Variants in PTPRQ observed in about 807,000 individuals in gnomAD.
PTPRQ encodes the protein phosphatidylinositol phosphatase PTPRQ.
A neutral mutation model predicts 246.0 loss-of-function variants in PTPRQ; 199 were observed. That is an observed-to-expected ratio of 0.81 (90% CI 0.72 to 0.91). The LOEUF (loss-of-function observed/expected upper bound fraction) is 0.91. Among genes scored for constraint, PTPRQ ranks in the 40% least tolerant of loss-of-function variants. The probability of loss-of-function intolerance (pLI) is 0.00; values close to 1 mark genes in which losing one functional copy is unlikely to be tolerated. For missense variants in PTPRQ, 2,624 were observed against 2,528.4 expected (o/e 1.04, Z -0.81); for synonymous variants, 869 against 853.2 (o/e 1.02, Z -0.32).
At chr12:80,466,482 T>C (rs555251074) in intron 6 of PTPRQ, among the ~76,000 whole-genome samples, 1 of 152,304 alleles carries the variant, frequency 6.6e-6, no homozygotes, top group East Asian at 1.9e-4. Context: ...CCAATGACTT[T>C]CTTCACAGAA....
intron 38 of PTPRQ, among the ~76,000 whole-genome samples, chr12:80,654,121 C>G (rs907803723): frequency 6.8e-5 from 9 of 132,684 alleles, no homozygotes; most frequent in African/African-American, 2.5e-4. Flanking sequence ...TCTTTTTGGA[C>G]TTTTGATCTT....
chr12:80,546,183 G>C (rs1254223433), intron 23 of PTPRQ, among the ~76,000 whole-genome samples: 1 of 152,056 alleles, frequency 6.6e-6, no homozygotes, highest in Non-Finnish European at 1.5e-5. Context: ...GCTGGGTGTG[G>C]TGGCACATGC....
chr12:80,481,498 C>G (rs941205977), intron 8 of PTPRQ, among the ~76,000 whole-genome samples: 24 of 152,098 alleles, frequency 1.6e-4, no homozygotes, highest in Non-Finnish European at 3.2e-4. Flanking sequence ...CACTCCTATT[C>G]AACATAGTGT....
intron 17 of PTPRQ, among the ~76,000 whole-genome samples, chr12:80,517,454 A>G (rs1000704993): frequency 6.6e-6 from 1 of 152,164 alleles, no homozygotes; most frequent in Non-Finnish European, 1.5e-5. Flanking sequence ...TAATAACATC[A>G]TGGAAAATGG....
chr12:80,639,062 G>A (rs1282499749), intron 35 of PTPRQ, among the ~76,000 whole-genome samples: 1 of 152,120 alleles, frequency 6.6e-6, no homozygotes, highest in Non-Finnish European at 1.5e-5. Flanking sequence ...AGCTCTTATT[G>A]GCAAGATCAG....
At chr12:80,513,251 G>T (rs7974430) in intron 17 of PTPRQ, among the ~76,000 whole-genome samples, 45 of 152,122 alleles carry the variant, frequency 3.0e-4, no homozygotes, top group African/African-American at 4.6e-4. Context: ...CTCAGCAGAG[G>T]GGGGAGCCAG....
chr12:80,484,430 T>TTCTC lies in PTPRQ; in HGVS notation c.1187-3_1187-2insTCTC. On this transcript the variant is annotated splice_region_variant and splice_polypyrimidine_tract_variant and intron_variant, in intron 8 of 44. Transcript: ENST00000644991. ...TTCTTTTCTTTCTTTCTTTCTTTCTTAGTTCCAGGGGCAGTGTTTGATTTA... is the reference window on the plus strand; with the variant it reads ...TTCTTTTCTTTCTTTCTTTCTTTCTTTCTCAGTTCCAGGGGCAGTGTTTGATTTA... 1 of 1,525,256 alleles carries TTCTC rather than the reference T, an allele frequency of 6.6e-7. No individual in the cohort carries two copies. Among genetic ancestry groups the TTCTC allele is most frequent in the African/African-American group, 1.4e-5 (1 of 71,396 alleles). 94.5% of individuals were successfully genotyped at this position (1,525,256 alleles called of 1,614,324 possible).
At chr12:80,565,962 T>A (rs1896966082) in intron 25 of PTPRQ, among the ~76,000 whole-genome samples, 1 of 152,126 alleles carries the variant, frequency 6.6e-6, no homozygotes, top group Non-Finnish European at 1.5e-5. Flanking sequence ...TCAAATAAGG[T>A]AAAAGTAGCA....
At chr12:80,615,352 G>A (rs1457803150) in intron 29 of PTPRQ, among the ~76,000 whole-genome samples, 2 of 150,828 alleles carry the variant, frequency 1.3e-5, no homozygotes, top group Admixed American at 1.3e-4. Flanking sequence ...GGGAGGGTGG[G>A]CCACTAATAT....
intron 38 of PTPRQ, among the ~76,000 whole-genome samples, chr12:80,657,679 G>A (rs564421647): frequency 2.6e-5 from 4 of 151,440 alleles, no homozygotes; most frequent in Non-Finnish European, 5.9e-5. Flanking sequence ...ATGCTGATAC[G>A]GAAAGACATA....
chr12:80,619,926 T>C (rs1898914228), intron 31 of PTPRQ, among the ~76,000 whole-genome samples: 1 of 151,542 alleles, frequency 6.6e-6, no homozygotes, highest in South Asian at 2.1e-4. Flanking sequence ...GATTGAGGGA[T>C]GCTCTTTCTC....
In PTPRQ at chr12:80,619,485, T is replaced by C; in HGVS notation, c.5332T>C (p.Tyr1778His). Residue 1778 changes from tyrosine to histidine, a missense_variant, in exon 31 of 45, where the codon TAC becomes CAC. By Grantham distance (83) the Tyr-to-His change is moderately conservative. Coordinates refer to ENST00000644991, the MANE Select transcript of PTPRQ (RefSeq NM_001145026.2). ...TACAATCAGAATGCCAATATGTTAC[T>C]ACAGTGATGATCATGGACCAATAAA... ...TITIRMPICYYSDDHGPIKNV... is the reference protein window; with the variant it reads ...TITIRMPICYHSDDHGPIKNV... The C allele has an allele frequency of 6.5e-7, 1 of 1,547,354 alleles. No homozygotes were observed. Among genetic ancestry groups the C allele is most frequent in the Non-Finnish European group, 8.7e-7 (1 of 1,144,274 alleles).
At chr12:80,494,818 G>C in intron 10 of PTPRQ, 115 bp from the exon 11 acceptor site, 1 of 1,062,824 alleles carries the variant, frequency 9.4e-7, no homozygotes, top group Non-Finnish European at 1.3e-6. Flanking sequence ...TGTGCATGGA[G>C]AGATTAATGA....
intron 3 of PTPRQ, among the ~76,000 whole-genome samples, chr12:80,449,250 A>T (rs924786165): frequency 2.0e-4 from 30 of 151,184 alleles, no homozygotes; most frequent in Admixed American, 1.6e-3. Flanking sequence ...AATTTGTTTG[A>T]GTTCATTGTA....
At chr12:80,609,976 G>A (rs1459543974) in intron 27 of PTPRQ, among the ~76,000 whole-genome samples, 1 of 150,398 alleles carries the variant, frequency 6.6e-6, no homozygotes, top group Non-Finnish European at 1.5e-5. Flanking sequence ...CTAAATCTCA[G>A]TGAAACACTG....
chr12:80,450,726 G>T (rs542622813), intron 3 of PTPRQ, among the ~76,000 whole-genome samples: 1 of 152,320 alleles, frequency 6.6e-6, no homozygotes, highest in South Asian at 2.1e-4. Context: ...CAGGGATGAA[G>T]CCCACTTGAT....
intron 25 of PTPRQ, among the ~76,000 whole-genome samples, chr12:80,587,699 T>C (rs987216358): frequency 6.6e-6 from 1 of 152,224 alleles, no homozygotes; most frequent in Non-Finnish European, 1.5e-5. Context: ...ATTTACTAGA[T>C]ATAAGATGTG....
intron 25 of PTPRQ, among the ~76,000 whole-genome samples, chr12:80,571,290 A>C (rs1443346267): frequency 6.6e-6 from 1 of 152,088 alleles, no homozygotes; most frequent in African/African-American, 2.4e-5. Flanking sequence ...GATTACAGGC[A>C]TGTGCCACCT....
rs145500600 is a variant in PTPRQ, at chr12:80,580,856, A to T, written c.4286-7273A>T. Among the ~76,000 whole-genome samples, 229 of 152,252 alleles carry T rather than the reference A, an allele frequency of 1.5e-3. 5 individuals are homozygous for T. The highest frequency in any genetic ancestry group is 5.9e-4 in the Non-Finnish European group (40 of 68,010). ...TGCCTGTCACATAATAGGAGGCTGA[A>T]ATTGTCATTATGTTTCCTATAGCCA... is the stretch of plus-strand genomic sequence containing the variant. On this transcript the variant is annotated intron_variant, in intron 25 of 44. Transcript: ENST00000644991.
Sources: gnomAD v4.1 joint callset for allele counts (sites outside exome capture counted in the v4.1 genomes callset) on GRCh38, gnomAD v4.1.1 for gene constraint, MANE v1.5 for transcripts, NCBI Gene and HGNC (gene_info 2026-07-23, HGNC 2026-07-21) for gene names.